Variants in ANO10 observed in about 807,000 individuals in gnomAD.
ANO10 encodes anoctamin-10.
A neutral mutation model predicts 74.7 loss-of-function variants in ANO10; 77 were observed. That is an observed-to-expected ratio of 1.03 (90% confidence interval 0.86 to 1.25). ANO10 has a LOEUF of 1.25. ANO10 is among the 50% of genes most tolerant of loss of function. ANO10 has a pLI of 0.00. For missense variants in ANO10, 721 were observed against 778.1 expected (o/e 0.93, Z 0.87); for synonymous variants, 279 against 284.9 (o/e 0.98, Z 0.21).
chr3:43,474,213 C>T (rs1404261926), intron 11 of ANO10, among the ~76,000 whole-genome samples: 2 of 151,710 alleles, frequency 1.3e-5, no homozygotes, highest in African/African-American at 2.4e-5. Flanking sequence ...AGTACTTCCC[C>T]GCCCCCCCCA....
chr3:43,683,881 A>C (rs2084237004), intron 1 of ANO10, among the ~76,000 whole-genome samples: 1 of 152,218 alleles, frequency 6.6e-6, no homozygotes, highest in Non-Finnish European at 1.5e-5. Context: ...AGCCATATGT[A>C]GAAAGCTGAA....
chr3:43,684,523 T>C (rs777329867), intron 1 of ANO10, among the ~76,000 whole-genome samples: 67 of 152,288 alleles, frequency 4.4e-4, no homozygotes, highest in African/African-American at 1.5e-3. Context: ...GTCAGTGTGG[T>C]GATTCCTCAG....
intron 11 of ANO10, among the ~76,000 whole-genome samples, chr3:43,477,619 T>C (rs747762963): frequency 6.6e-6 from 1 of 152,236 alleles, no homozygotes; most frequent in Non-Finnish European, 1.5e-5. Context: ...ACCATAATAC[T>C]GTACTTGTGG....
chr3:43,577,403 C>T (rs2081064351), intron 5 of ANO10, 142 bp from the exon 6 acceptor site: 1 of 844,688 alleles, frequency 1.2e-6, no homozygotes, highest in South Asian at 1.6e-5. Context: ...GTAAATCTAC[C>T]CTCCATGCAG....
At chr3:43,605,555 TA>T (rs1559771293) in intron 2 of ANO10, among the ~76,000 whole-genome samples, 158 bp downstream of exon 2, 2 of 152,116 alleles carry the variant, frequency 1.3e-5, no homozygotes, top group African/African-American at 4.8e-5. Flanking sequence ...AGATAGATAA[TA>T]AAAGGCAAAA....
chr3:43,571,832 TA>T (rs372868462), intron 7 of ANO10, among the ~76,000 whole-genome samples: 5,425 of 48,800 alleles, frequency 0.11, 324 homozygotes, highest in African/African-American at 0.29. Context: ...ACTTAAAGTA[TA>T]AAAAAAAAAA....
chr3:43,393,927 C>T (rs865879367), intron 12 of ANO10, among the ~76,000 whole-genome samples: 1 of 152,142 alleles, frequency 6.6e-6, no homozygotes, highest in African/African-American at 2.4e-5. Flanking sequence ...CCCCCTCTAC[C>T]TGCTGCCCAG....
In ANO10 at chr3:43,555,413, G is replaced by A; in HGVS notation, c.1533C>T (p.Phe511=). 1 of 1,614,106 alleles carries A rather than the reference G, an allele frequency of 6.2e-7. No individual in the cohort carries two copies. Among genetic ancestry groups the A allele is most frequent in the Non-Finnish European group, 8.5e-7 (1 of 1,180,010 alleles). Residue 511 remains phenylalanine (F), a synonymous_variant, in exon 10 of 13, where the codon TTC becomes TTT. Transcript: ENST00000292246. Reference sequence around the variant, plus strand: ...CAGCTGCTAATGGGTAAACACAGGAGAAAAGGCTCACATAACCAAACTGCA... The same window carrying A: ...CAGCTGCTAATGGGTAAACACAGGAAAAAAGGCTCACATAACCAAACTGCA... ...LFLQFGYVSL[F]SCVYPLAAAF...
At chr3:43,676,224 C>T (rs992029318) in intron 1 of ANO10, among the ~76,000 whole-genome samples, 6 of 151,488 alleles carry the variant, frequency 4.0e-5, no homozygotes, top group Non-Finnish European at 7.4e-5. Flanking sequence ...CTTTGGGAGG[C>T]GAGGTGAGAG....
intron 11 of ANO10, among the ~76,000 whole-genome samples, chr3:43,499,848 G>A (rs932606278): frequency 2.8e-5 from 4 of 144,890 alleles, no homozygotes; most frequent in Non-Finnish European, 4.5e-5. Flanking sequence ...TTTTTTTTGA[G>A]ACAGAGTCTC....
chr3:43,584,212 G>A (rs1434011548), intron 4 of ANO10, among the ~76,000 whole-genome samples: 1 of 152,206 alleles, frequency 6.6e-6, no homozygotes, highest in African/African-American at 2.4e-5. Flanking sequence ...CATGTTGCTT[G>A]TCATGTGGTG....
At chr3:43,592,546 A>G (rs2149452886) in intron 4 of ANO10, among the ~76,000 whole-genome samples, 1 of 152,360 alleles carries the variant, frequency 6.6e-6, no homozygotes, top group East Asian at 1.9e-4. Flanking sequence ...CCTCACTGTT[A>G]GAAGGAAAAC....
At chr3:43,664,153 AAAC>A in intron 1 of ANO10, among the ~76,000 whole-genome samples, 1 of 152,296 alleles carries the variant, frequency 6.6e-6, no homozygotes, top group East Asian at 1.9e-4. Context: ...ACAGTAACCA[AAAC>A]AGCATGGTAT....
chr3:43,399,165 A>C (rs2092436385), intron 12 of ANO10, among the ~76,000 whole-genome samples: 1 of 152,236 alleles, frequency 6.6e-6, no homozygotes, highest in South Asian at 2.1e-4. Flanking sequence ...TTTACATGCG[A>C]AACACTTAGA....
rs183080398 is a variant in ANO10 at position 43,605,242 on chromosome 3, T to C, written c.139+472A>G. On this transcript the variant is annotated intron_variant, in intron 2 of 12. Transcript: ENST00000292246. ...ATACACGATTCATTTGTTCATGCCA[T>C]GCACTGCTTTGTGACAGCTCTTCCA... 2.7e-3 allele frequency among the ~76,000 whole-genome samples: 407 copies of C among 152,322 alleles called. 2 individuals are homozygous for C. Among genetic ancestry groups the C allele is most frequent in the African/African-American group, 9.0e-3 (375 of 41,588 alleles).
intron 11 of ANO10, among the ~76,000 whole-genome samples, chr3:43,449,515 C>CTTTTTTTTTTT (rs61265406): frequency 2.1e-4 from 22 of 107,126 alleles, no homozygotes; most frequent in East Asian, 6.0e-4. Flanking sequence ...TATCTAGATT[C>CTTTTTTTTTTT]TTTTTTTTTT....
At position 43,510,272 on chromosome 3, in the gene ANO10, A is replaced by G. The variant is rs561861688; in HGVS notation, c.1797+39448T>C. 1.1e-4 allele frequency among the ~76,000 whole-genome samples: 16 copies of G among 152,250 alleles called. No homozygotes were observed. In the South Asian group the frequency reaches 3.1e-3, roughly 30 times the overall value. Reference sequence around the variant, plus strand: ...TGGTGAAACCCCGTCTCTACTAAAAATACAAAAAGTTAGCCAGGCGTGGTG... The same window carrying G: ...TGGTGAAACCCCGTCTCTACTAAAAGTACAAAAAGTTAGCCAGGCGTGGTG... On this transcript the variant is annotated intron_variant, in intron 11 of 12. Transcript: ENST00000292246.
Position 43,572,566 on chromosome 3 carries a change from G to A in ANO10, c.1218+2243C>T, listed in dbSNP as rs138403342. 5.5e-3 allele frequency among the ~76,000 whole-genome samples: 843 copies of A among 152,278 alleles called. 5 individuals are homozygous for A. Among genetic ancestry groups the A allele is most frequent in the African/African-American group, 0.018 (765 of 41,556 alleles). ...GAAGCATCTTTGTCACCATAAGCAT[G>A]AACTCCCCTGCCCTGCCAGATACAC... On this transcript the variant is annotated intron_variant, in intron 7 of 12. Coordinates refer to ENST00000292246, the MANE Select transcript of ANO10 (RefSeq NM_018075.5).
Position 43,480,979 on chromosome 3 carries a change from A to ATAATACAATTAC in ANO10, c.1798-48253_1798-48252insGTAATTGTATTA, listed in dbSNP as rs1553683436. Among the ~76,000 whole-genome samples, 7 of 150,436 alleles carry ATAATACAATTAC rather than the reference A, an allele frequency of 4.7e-5. No homozygotes were observed. In the East Asian group the frequency reaches 5.9e-4, roughly 13 times the overall value. On this transcript the variant is annotated intron_variant, in intron 11 of 12. Transcript: ENST00000292246. ...AACCACTACATTGTATTATTGTATAATAATTGTATAATAATACAATATACT... is the reference window on the plus strand; with the variant it reads ...AACCACTACATTGTATTATTGTATAATAATACAATTACTAATTGTATAATAATACAATATACT...
Sources: allele counts gnomAD v4.1 joint callset (sites outside exome capture counted in the v4.1 genomes callset), GRCh38; gene constraint gnomAD v4.1.1; transcripts MANE v1.5; gene names NCBI Gene and HGNC (gene_info 2026-07-23, HGNC 2026-07-21).